The following DNAH9 variants were observed in gnomAD, a reference collection of about 807,000 sequenced individuals.
DNAH9 encodes dynein axonemal heavy chain 9, also known as DNAH9 variant protein.
Under a neutral mutation model 471.6 loss-of-function variants are expected in DNAH9, and 345 were observed. That is an observed-to-expected ratio of 0.73 (90% confidence interval 0.67 to 0.80). The LOEUF (loss-of-function observed/expected upper bound fraction) is 0.80, where lower values mean the gene tolerates loss of function less well. Ranked by LOEUF, DNAH9 falls within the 30% of genes least tolerant of loss-of-function variation. The pLI, the probability that DNAH9 is intolerant of heterozygous loss-of-function variation, is 0.00. For missense variants in DNAH9, 5,407 were observed against 5,609.2 expected, an observed-to-expected ratio of 0.96 and a Z score of 1.15; for synonymous variants, 2,093 against 2,123.6, an observed-to-expected ratio of 0.99 and a Z score of 0.40.
chr17:11,853,358 G>A (rs543274985), intron 49 of DNAH9: 1 of 152,614 alleles, frequency 6.6e-6, no homozygotes, highest in South Asian at 2.1e-4. Flanking sequence ...ACAGATGAAG[G>A]TGGCAAGTTC....
intron 61 of DNAH9, among the ~76,000 whole-genome samples, chr17:11,918,978 C>T (rs1254782264): frequency 6.6e-6 from 1 of 151,766 alleles, no homozygotes; most frequent in Admixed American, 6.6e-5. Context: ...AAGCGAGAAA[C>T]TCCATCTCAA....
chr17:11,921,972 G>A (rs1233316517), intron 61 of DNAH9, among the ~76,000 whole-genome samples: 1 of 152,142 alleles, frequency 6.6e-6, no homozygotes, highest in African/African-American at 2.4e-5. Context: ...TGTCACAGAA[G>A]ACATCTAAAA....
chr17:11,621,393 G>A (rs1227490021), intron 6 of DNAH9, among the ~76,000 whole-genome samples: 2 of 141,500 alleles, frequency 1.4e-5, no homozygotes, highest in African/African-American at 5.3e-5. Flanking sequence ...GGGAGACAGG[G>A]CGAGACTCCA....
rs773842478 is a variant in DNAH9, at chr17:11,805,523, C to CTTTTTTTTTTTT, written c.8421-2178_8421-2167dup. Among the ~76,000 whole-genome samples the CTTTTTTTTTTTT allele has an allele frequency of 2.5e-4, 13 of 52,092 alleles. 2 individuals are homozygous for CTTTTTTTTTTTT. The highest frequency in any genetic ancestry group is 8.3e-4 in the South Asian group (1 of 1,202). The allele number at this position is 52,092 out of a possible 152,430, so 34.2% of individuals were successfully genotyped here. A position where few individuals can be genotyped will look rare whatever the true frequency, so the allele number is the denominator to read the frequency against. On this transcript the variant is annotated intron_variant, in intron 43 of 68. Transcript: ENST00000262442. ...TATTTGGCCAAACTTTACCCGAGTT[C>CTTTTTTTTTTTT]TTTTTTTTTTTTTTTTTTTTTTTTT...
chr17:11,644,852 G>A (rs934049005), intron 11 of DNAH9, among the ~76,000 whole-genome samples, 153 bp downstream of exon 11: 5 of 151,646 alleles, frequency 3.3e-5, no homozygotes, highest in Non-Finnish European at 5.9e-5. Flanking sequence ...CAGTATTTCC[G>A]GGTTGCACAC....
intron 67 of DNAH9, among the ~76,000 whole-genome samples, chr17:11,952,260 CA>C (rs1190351233): frequency 6.8e-6 from 1 of 147,832 alleles, no homozygotes; most frequent in Non-Finnish European, 1.5e-5. Flanking sequence ...GTGCCTCAGC[CA>C]TCCAAGTAGC....
At chr17:11,777,843 T>A (rs914845421) in intron 38 of DNAH9, among the ~76,000 whole-genome samples, 1 of 152,190 alleles carries the variant, frequency 6.6e-6, no homozygotes, top group African/African-American at 2.4e-5. Flanking sequence ...CAAATCATAG[T>A]GAAATCATCA....
At chr17:11,809,381 T>C (rs1969805009) in intron 44 of DNAH9, among the ~76,000 whole-genome samples, 1 of 151,920 alleles carries the variant, frequency 6.6e-6, no homozygotes, top group South Asian at 2.1e-4. Flanking sequence ...CTGGCTAACA[T>C]GGTGAAACCC....
At chr17:11,792,747 G>T (rs1037300100) in intron 41 of DNAH9, among the ~76,000 whole-genome samples, 1 of 152,176 alleles carries the variant, frequency 6.6e-6, no homozygotes, top group African/African-American at 2.4e-5. Flanking sequence ...TTTTCAAAAT[G>T]GCACTGTGGA....
At chr17:11,769,761 C>G (rs1461295594) in intron 38 of DNAH9, among the ~76,000 whole-genome samples, 1 of 152,184 alleles carries the variant, frequency 6.6e-6, no homozygotes, top group Non-Finnish European at 1.5e-5. Flanking sequence ...TGCCCAAAGT[C>G]ACCACCAAGT....
chr17:11,780,015 A>G (rs903681693), intron 38 of DNAH9, among the ~76,000 whole-genome samples: 4 of 152,316 alleles, frequency 2.6e-5, no homozygotes, highest in Admixed American at 2.6e-4. Flanking sequence ...TCCAGCTGTA[A>G]CAGGAAGTGT....
chr17:11,727,047 C>CAAAAAAAAAAAA (rs55659834), intron 27 of DNAH9, among the ~76,000 whole-genome samples: 10 of 68,474 alleles, frequency 1.5e-4, no homozygotes, highest in African/African-American at 4.4e-4. Context: ...GACTCCGTCT[C>CAAAAAAAAAAAA]AAAAAAAAAA....
At chr17:11,927,612 A>T (rs1337752579) in intron 62 of DNAH9, among the ~76,000 whole-genome samples, 2 of 152,158 alleles carry the variant, frequency 1.3e-5, no homozygotes, top group African/African-American at 4.8e-5. Context: ...ACATCTTTTA[A>T]CATCCCATGG....
At chr17:11,830,745 T>C (rs4271629) in intron 48 of DNAH9, among the ~76,000 whole-genome samples, 67,064 of 151,978 alleles carry the variant, frequency 0.44, 14,923 homozygotes, top group Admixed American at 0.5. Flanking sequence ...TGAATTCGTT[T>C]GTATAACTGA....
At chr17:11,878,034 A>G (rs1346749491) in intron 53 of DNAH9, among the ~76,000 whole-genome samples, 1 of 152,144 alleles carries the variant, frequency 6.6e-6, no homozygotes, top group Non-Finnish European at 1.5e-5. Flanking sequence ...GCGCCCGGCC[A>G]ATATGATATA....
chr17:11,662,747 C>CTTTTT lies in DNAH9; in HGVS notation c.2596-2064_2596-2060dup, dbSNP rs71142226. Among the ~76,000 whole-genome samples the CTTTTT allele has an allele frequency of 1.5e-4, 7 of 45,436 alleles. 1 individual carries two copies. The highest frequency in any genetic ancestry group is 4.0e-4 in the African/African-American group (5 of 12,390). The allele number at this position is 45,436 out of a possible 152,430, so 29.8% of individuals were successfully genotyped here. On this transcript the variant is annotated intron_variant, in intron 14 of 68. Coordinates refer to ENST00000262442, the MANE Select transcript of DNAH9 (RefSeq NM_001372.4). ...ATCACCTTGATCCTGTTGAGGCTCG[C>CTTTTT]TTTTTTTTTTTTTTTTTTTTTTTTT...
intron 48 of DNAH9, among the ~76,000 whole-genome samples, chr17:11,826,367 A>C (rs1420504894): frequency 6.8e-6 from 1 of 146,066 alleles, no homozygotes; most frequent in Non-Finnish European, 1.5e-5. Context: ...CTGGGGGGGT[A>C]ATTTTAGACT....
chr17:11,815,025 A>T lies in DNAH9; in HGVS notation c.8707+4656A>T, dbSNP rs1055223188. 2.6e-5 allele frequency among the ~76,000 whole-genome samples: 4 copies of T among 152,126 alleles called. No individual in the cohort carries two copies. In the East Asian group the frequency reaches 7.7e-4, roughly 29 times the overall value. Reference sequence around the variant, plus strand: ...CAAGCATGCACTGATCCTCTAAGACATACTTAGTGGACTCATTAGATCTGC... The same window carrying T: ...CAAGCATGCACTGATCCTCTAAGACTTACTTAGTGGACTCATTAGATCTGC... On this transcript the variant is annotated intron_variant, in intron 45 of 68. Coordinates refer to ENST00000262442, the MANE Select transcript of DNAH9 (RefSeq NM_001372.4).
At chr17:11,654,169 C>A (rs1220859250) in intron 14 of DNAH9, among the ~76,000 whole-genome samples, 1 of 76,256 alleles carries the variant, frequency 1.3e-5, no homozygotes. Flanking sequence ...TCCTGGCTAA[C>A]ACGGTGAAAC....
Sources: allele counts gnomAD v4.1 joint callset (sites outside exome capture counted in the v4.1 genomes callset), GRCh38; gene constraint gnomAD v4.1.1; transcripts MANE v1.5; gene names NCBI Gene and HGNC (gene_info 2026-07-23, HGNC 2026-07-21).